Variants in ADARB2 observed in about 807,000 individuals in gnomAD.
ADARB2 encodes the protein inactive double-stranded RNA-specific editase B2.
Under a neutral mutation model 62.2 loss-of-function variants are expected in ADARB2, and 25 were observed. That is an observed-to-expected ratio of 0.40 (90% CI 0.29 to 0.56). The LOEUF is 0.56. Ranked by LOEUF, ADARB2 falls within the 20% of genes least tolerant of loss-of-function variation. The pLI is 0.43. For synonymous variants in ADARB2, 572 were observed against 500.8 expected (o/e 1.14, Z -1.90); for missense variants, 1,071 against 1,077.4 (o/e 0.99, Z 0.08).
At chr10:1,563,641 T>C (rs1432279237) in intron 1 of ADARB2, among the ~76,000 whole-genome samples, 1 of 151,952 alleles carries the variant, frequency 6.6e-6, no homozygotes, top group Non-Finnish European at 1.5e-5. Flanking sequence ...TTTTTTATTA[T>C]TATTATACTT....
At chr10:1,387,825 C>T (rs1832537351) in intron 1 of ADARB2, among the ~76,000 whole-genome samples, 1 of 152,016 alleles carries the variant, frequency 6.6e-6, no homozygotes, top group Non-Finnish European at 1.5e-5. Flanking sequence ...CCATGGTCCT[C>T]ACGAGCAGAT....
intron 1 of ADARB2, among the ~76,000 whole-genome samples, chr10:1,425,992 T>C (rs1172386513): frequency 6.6e-6 from 1 of 152,164 alleles, no homozygotes; most frequent in Non-Finnish European, 1.5e-5. Flanking sequence ...GGCATGTTAC[T>C]CAAAAATGCG....
At chr10:1,497,689 G>T (rs919662110) in intron 1 of ADARB2, among the ~76,000 whole-genome samples, 7 of 152,114 alleles carry the variant, frequency 4.6e-5, no homozygotes, top group African/African-American at 9.7e-5. Context: ...ATTTCATAAA[G>T]AACTTGTTCT....
intron 8 of ADARB2, among the ~76,000 whole-genome samples, chr10:1,187,013 G>A (rs1484124203): frequency 1.3e-5 from 2 of 152,258 alleles, no homozygotes; most frequent in African/African-American, 2.4e-5. Flanking sequence ...TCATCCACGA[G>A]CCTGAGCTCT....
chr10:1,601,365 A>T (rs4293060), intron 1 of ADARB2, among the ~76,000 whole-genome samples: 136,636 of 152,254 alleles, frequency 0.9, 61,539 homozygotes, highest in South Asian at 0.93. Context: ...AGTTAACTTT[A>T]GTCCAGTTTT....
At chr10:1,629,719 G>A (rs1472050091) in intron 1 of ADARB2, among the ~76,000 whole-genome samples, 3 of 152,022 alleles carry the variant, frequency 2.0e-5, no homozygotes, top group Non-Finnish European at 4.4e-5. Flanking sequence ...AAGACACGTT[G>A]TCTCTCTTCA....
intron 1 of ADARB2, among the ~76,000 whole-genome samples, chr10:1,696,018 C>A (rs1834738156): frequency 6.6e-6 from 1 of 151,932 alleles, no homozygotes; most frequent in Non-Finnish European, 1.5e-5. Flanking sequence ...GTGTGTATGC[C>A]TGCGTGTGTA....
At chr10:1,214,517 C>T (rs1423700342) in intron 7 of ADARB2, among the ~76,000 whole-genome samples, 1 of 132,720 alleles carries the variant, frequency 7.5e-6, no homozygotes, top group Non-Finnish European at 1.6e-5. Context: ...TGCACCTGTA[C>T]CCAGCGTCGC....
intron 2 of ADARB2, among the ~76,000 whole-genome samples, chr10:1,370,472 T>A (rs1487356982): frequency 6.6e-6 from 1 of 152,052 alleles, no homozygotes; most frequent in East Asian, 1.9e-4. Flanking sequence ...GAGAAAGAAA[T>A]AAAAGACATC....
At chr10:1,409,301 C>T (rs888835721) in intron 1 of ADARB2, among the ~76,000 whole-genome samples, 1 of 152,220 alleles carries the variant, frequency 6.6e-6, no homozygotes, top group Non-Finnish European at 1.5e-5. Flanking sequence ...TTCGTCAGTG[C>T]ATTCTGCAAA....
intron 1 of ADARB2, among the ~76,000 whole-genome samples, chr10:1,494,017 G>T (rs1349786207): frequency 1.3e-5 from 2 of 151,976 alleles, no homozygotes; most frequent in Non-Finnish European, 2.9e-5. Flanking sequence ...GCCTCCCAAA[G>T]TGCTGGGATT....
Position 1,532,081 on chromosome 10 carries a change from C to G in ADARB2, c.101-152921G>C, listed in dbSNP as rs574314833. ...TCCCTGGGCACCCAGGCACTGTCCC[C>G]GAAGAGGTAATTATTGGTGCTCCCA... On this transcript the variant is annotated intron_variant, in intron 1 of 9. Transcript: ENST00000381312. Among the ~76,000 whole-genome samples, 12 of 152,320 alleles carry G rather than the reference C, an allele frequency of 7.9e-5. No homozygotes were observed. In the South Asian group the frequency reaches 2.5e-3, roughly 32 times the overall value.
At chr10:1,730,292 G>C (rs987506761) in intron 1 of ADARB2, among the ~76,000 whole-genome samples, 8 of 152,146 alleles carry the variant, frequency 5.3e-5, no homozygotes, top group Non-Finnish European at 1.2e-4. Flanking sequence ...GGAGTGAGAC[G>C]GTACTTAACA....
rs558864095 is a variant in ADARB2 at position 1,688,520 on chromosome 10, A to C, written c.100+48531T>G. The stretch of plus-strand genomic sequence containing the variant: ...GCATTTCTCACTGAGATCTGCACCA[A>C]TGGAAATGGAAGGTACATTGGTGGC... On this transcript the variant is annotated intron_variant, in intron 1 of 9. Coordinates refer to ENST00000381312, the MANE Select transcript of ADARB2 (RefSeq NM_018702.4). 3.9e-5 allele frequency among the ~76,000 whole-genome samples: 6 copies of C among 152,338 alleles called. No individual in the cohort carries two copies. The South Asian group carries it at 1.2e-3, about 32-fold the overall frequency.
chr10:1,433,352 G>A (rs995260655), intron 1 of ADARB2, among the ~76,000 whole-genome samples: 3 of 152,132 alleles, frequency 2.0e-5, no homozygotes, highest in South Asian at 2.1e-4. Flanking sequence ...CAGGGAGGAC[G>A]TATGGTTTGC....
chr10:1,616,445 A>G (rs569035330), intron 1 of ADARB2, among the ~76,000 whole-genome samples: 2 of 151,698 alleles, frequency 1.3e-5, no homozygotes, highest in Admixed American at 6.5e-5. Flanking sequence ...TTCTGTCGCT[A>G]GATGTTTGTG....
At position 1,462,050 on chromosome 10, in the gene ADARB2, T is replaced by G. The variant is rs1588266936; in HGVS notation, c.101-82890A>C. On this transcript the variant is annotated intron_variant, in intron 1 of 9. Transcript: ENST00000381312. ...TATTAAAAGTTGTTTTAATAATTAC[T>G]TTGCCATCAGGTTCTATTTTCCCAA... 2.0e-5 allele frequency among the ~76,000 whole-genome samples: 3 copies of G among 152,350 alleles called. No homozygotes were observed. In the East Asian group the frequency reaches 5.8e-4, roughly 29 times the overall value.
At chr10:1,613,323 T>G (rs1434129693) in intron 1 of ADARB2, among the ~76,000 whole-genome samples, 3 of 152,238 alleles carry the variant, frequency 2.0e-5, no homozygotes, top group African/African-American at 4.8e-5. Flanking sequence ...AAGATTTTTT[T>G]TAAGCAAAAA....
chr10:1,734,150 G>A (rs553587329), intron 1 of ADARB2, among the ~76,000 whole-genome samples: 1 of 152,022 alleles, frequency 6.6e-6, no homozygotes, highest in African/African-American at 2.4e-5. Context: ...ACACAAAATT[G>A]TACAACACTA....
Sources: gnomAD v4.1 joint callset for allele counts (sites outside exome capture counted in the v4.1 genomes callset) on GRCh38, gnomAD v4.1.1 for gene constraint, MANE v1.5 for transcripts, NCBI Gene and HGNC (gene_info 2026-07-23, HGNC 2026-07-21) for gene names.